Variants in NUP210L observed in about 807,000 individuals in gnomAD.
NUP210L encodes nuclear pore membrane glycoprotein 210-like.
A neutral mutation model predicts 208.5 loss-of-function variants in NUP210L; 74 were observed. The ratio of observed to expected loss-of-function variants is 0.35; its 90% CI spans 0.29 to 0.43. The LOEUF (loss-of-function observed/expected upper bound fraction) is 0.43, where lower values mean the gene tolerates loss of function less well. NUP210L is among the 20% of genes least tolerant of loss of function. The pLI is 1.00. For synonymous variants in NUP210L, 780 were observed against 816.9 expected, an observed-to-expected ratio of 0.95 and a Z score of 0.77; for missense variants, 1,843 against 2,289.4, an observed-to-expected ratio of 0.81 and a Z score of 3.98.
chr1:154,068,593 T>C (rs1334565269), intron 17 of NUP210L, among the ~76,000 whole-genome samples: 1 of 152,052 alleles, frequency 6.6e-6, no homozygotes, highest in Non-Finnish European at 1.5e-5. Context: ...GGCAGGAGAA[T>C]GGCGTGAACC....
chr1:154,125,022 T>C (rs1456937623), intron 10 of NUP210L, among the ~76,000 whole-genome samples: 5 of 151,840 alleles, frequency 3.3e-5, no homozygotes, highest in Non-Finnish European at 5.9e-5. Context: ...AAATACATCA[T>C]GGCTGGGTGT....
intron 29 of NUP210L, 152 bp downstream of exon 29, chr1:154,027,354 A>T (rs1651952148): frequency 3.4e-6 from 2 of 587,632 alleles, no homozygotes; most frequent in Non-Finnish European, 6.1e-6. Flanking sequence ...TTTACACTTT[A>T]CAATAGTTTT....
At chr1:154,042,858 C>T (rs1389154317) in intron 27 of NUP210L, among the ~76,000 whole-genome samples, 7 of 136,316 alleles carry the variant, frequency 5.1e-5, no homozygotes, top group Non-Finnish European at 1.1e-4. Flanking sequence ...ATTACAGGTG[C>T]ATGCCACTAT....
chr1:154,063,341 A>G (rs1654236516), intron 17 of NUP210L, among the ~76,000 whole-genome samples: 1 of 152,240 alleles, frequency 6.6e-6, no homozygotes, highest in South Asian at 2.1e-4. Context: ...CATATGCAAT[A>G]TATGCAAAGG....
chr1:154,150,999 T>C (rs764244319), intron 2 of NUP210L, among the ~76,000 whole-genome samples: 1 of 152,028 alleles, frequency 6.6e-6, no homozygotes, highest in South Asian at 2.1e-4. Flanking sequence ...AATAGTAAAA[T>C]TGGGAAAGTT....
chr1:154,011,679 GTTTTTTTTTTTTTT>G (rs34653809), intron 34 of NUP210L, among the ~76,000 whole-genome samples: 11 of 78,434 alleles, frequency 1.4e-4, no homozygotes, highest in Non-Finnish European at 1.7e-4. Flanking sequence ...ATTATCTTAA[GTTTTTTTTTTTTTT>G]TTTTTTTTTT....
intron 16 of NUP210L, among the ~76,000 whole-genome samples, chr1:154,088,885 A>T (rs754394824): frequency 6.6e-6 from 1 of 152,116 alleles, no homozygotes; most frequent in African/African-American, 2.4e-5. Context: ...AGGATAGATA[A>T]CTCATTTATT....
chr1:154,015,505 G>A (rs1027753612), intron 33 of NUP210L, among the ~76,000 whole-genome samples: 2 of 152,008 alleles, frequency 1.3e-5, no homozygotes, highest in Non-Finnish European at 2.9e-5. Context: ...CAGCTCACTT[G>A]AGGTCAGGAG....
chr1:154,027,030 C>T (rs1651918687), intron 29 of NUP210L, among the ~76,000 whole-genome samples: 1 of 136,954 alleles, frequency 7.3e-6, no homozygotes, highest in African/African-American at 2.8e-5. Flanking sequence ...TTGCAGTGAG[C>T]TGAGATTGTG....
chr1:154,152,090 C>CAAAAA (rs745735321), intron 2 of NUP210L, among the ~76,000 whole-genome samples: 2 of 103,910 alleles, frequency 1.9e-5, no homozygotes, highest in African/African-American at 3.7e-5. Flanking sequence ...AACTCCGTCT[C>CAAAAA]AAAAAAAAAA....
intron 10 of NUP210L, among the ~76,000 whole-genome samples, chr1:154,120,611 G>A: frequency 7.1e-6 from 1 of 140,328 alleles, no homozygotes; most frequent in African/African-American, 2.7e-5. Context: ...ATGTACCCTA[G>A]AACTTAAAGT....
intron 17 of NUP210L, among the ~76,000 whole-genome samples, chr1:154,061,913 A>G (rs1174916613): frequency 6.6e-6 from 1 of 151,882 alleles, no homozygotes; most frequent in African/African-American, 2.4e-5. Flanking sequence ...GGCTTACCAC[A>G]ACCTCCCGGG....
intron 27 of NUP210L, among the ~76,000 whole-genome samples, chr1:154,039,104 T>C (rs1303188997): frequency 1.3e-5 from 2 of 152,152 alleles, no homozygotes; most frequent in Non-Finnish European, 2.9e-5. Context: ...ACCAGTGAGT[T>C]TTGTATCTTC....
chr1:154,006,206 T>C (rs1650516879), intron 35 of NUP210L, among the ~76,000 whole-genome samples: 1 of 151,984 alleles, frequency 6.6e-6, no homozygotes, highest in African/African-American at 2.4e-5. Flanking sequence ...TTAGACAGAG[T>C]CTTGCTCTGT....
At chr1:154,024,846 T>C (rs980005307) in intron 30 of NUP210L, among the ~76,000 whole-genome samples, 18 of 149,700 alleles carry the variant, frequency 1.2e-4, no homozygotes, top group African/African-American at 4.4e-4. Context: ...TTGATAGCAA[T>C]CATTCTACAC....
At chr1:154,127,108 TAAAAA>T (rs5777889) in intron 9 of NUP210L, among the ~76,000 whole-genome samples, 198 bp downstream of exon 9, 1 of 132,556 alleles carries the variant, frequency 7.5e-6, no homozygotes, top group Non-Finnish European at 1.6e-5. Context: ...TGTGTCTCTT[TAAAAA>T]AAAAAAAAAA....
At chr1:154,076,107 T>C (rs1278901765) in intron 16 of NUP210L, among the ~76,000 whole-genome samples, 1 of 148,374 alleles carries the variant, frequency 6.7e-6, no homozygotes, top group Non-Finnish European at 1.5e-5. Flanking sequence ...GACTTCTTTT[T>C]TTTTTTTTTT....
rs184351430 is a variant in NUP210L at position 154,015,357 on chromosome 1, A to G, written c.4654-2987T>C. Among the ~76,000 whole-genome samples the G allele has an allele frequency of 2.1e-3, 324 of 151,524 alleles. 1 individual carries two copies. The highest frequency in any genetic ancestry group is 7.5e-3 in the African/African-American group (310 of 41,344). The stretch of plus-strand genomic sequence containing the variant: ...TCCCAGCACTTCGGGAGGCTGAGGC[A>G]GGTAGAACACTTGAGCCCAGGAGTT... On this transcript the variant is annotated intron_variant, in intron 33 of 39. Transcript: ENST00000368559.
chr1:154,012,210 GAA>G (rs776544129), intron 34 of NUP210L, 32 bp downstream of exon 34: 3 of 1,603,340 alleles, frequency 1.9e-6, no homozygotes, highest in Non-Finnish European at 2.6e-6. Flanking sequence ...AGAAAGATAG[GAA>G]CAATCACTGA....
Sources: gnomAD v4.1 joint callset for allele counts (sites outside exome capture counted in the v4.1 genomes callset) on GRCh38, gnomAD v4.1.1 for gene constraint, MANE v1.5 for transcripts, NCBI Gene and HGNC (gene_info 2026-07-23, HGNC 2026-07-21) for gene names.